Variants in FARS2 observed in about 807,000 individuals in gnomAD.
The protein encoded by FARS2 is phenylalanine--tRNA ligase, mitochondrial.
In FARS2, 40 loss-of-function variants were observed where a neutral mutation model predicts 46.4. The ratio of observed to expected loss-of-function variants is 0.86; its 90% CI spans 0.67 to 1.12. The LOEUF (loss-of-function observed/expected upper bound fraction) is 1.12, where lower values mean the gene tolerates loss of function less well. Among genes scored for constraint, FARS2 ranks in the 50% most tolerant of loss-of-function variants. The pLI is 0.00. For synonymous variants in FARS2, 234 were observed against 214.9 expected (o/e 1.09, Z -0.78); for missense variants, 513 against 567.9 (o/e 0.90, Z 0.98).
chr6:5,373,847 A>G (rs946498337), intron 2 of FARS2, among the ~76,000 whole-genome samples: 2 of 152,132 alleles, frequency 1.3e-5, no homozygotes, highest in African/African-American at 2.4e-5. Context: ...ATAAAAGGGG[A>G]TGAAAACGAT....
intron 5 of FARS2, among the ~76,000 whole-genome samples, chr6:5,555,667 C>A (rs930313311): frequency 6.6e-6 from 1 of 152,112 alleles, no homozygotes; most frequent in Non-Finnish European, 1.5e-5. Context: ...CATTGTGTTG[C>A]AGTGAAATTC....
At chr6:5,656,243 A>G (rs1214597418) in intron 6 of FARS2, among the ~76,000 whole-genome samples, 3 of 152,162 alleles carry the variant, frequency 2.0e-5, no homozygotes, top group African/African-American at 4.8e-5. Context: ...ATCTGTGCCA[A>G]CCTGTCACTG....
intron 6 of FARS2, among the ~76,000 whole-genome samples, chr6:5,745,903 A>G (rs1761608247): frequency 6.6e-6 from 1 of 152,146 alleles, no homozygotes; most frequent in African/African-American, 2.4e-5. Flanking sequence ...TGTGTGGTAC[A>G]GAGTCGGAGG....
rs899131153 is a variant in FARS2 at position 5,479,071 on chromosome 6, C to T, written c.904+47899C>T. Among the ~76,000 whole-genome samples, 7 of 152,186 alleles carry T rather than the reference C, an allele frequency of 4.6e-5. No homozygotes were observed. The East Asian group carries it at 5.8e-4, about 13-fold the overall frequency. ...AAATTATGGCTTCTGGGAATTCCAT[C>T]GGGGTGAACCCGTGAATCTGTATCC... On this transcript the variant is annotated intron_variant, in intron 4 of 6. Transcript: ENST00000274680.
intron 5 of FARS2, among the ~76,000 whole-genome samples, chr6:5,580,289 CAAA>C (rs35150084): frequency 9.5e-6 from 1 of 105,146 alleles, no homozygotes; most frequent in Admixed American, 1.1e-4. Context: ...GACTCCGTCT[CAAA>C]AAAAAAAAAA....
chr6:5,448,810 T>A (rs1366215189), intron 4 of FARS2, among the ~76,000 whole-genome samples: 1 of 152,216 alleles, frequency 6.6e-6, no homozygotes, highest in Non-Finnish European at 1.5e-5. Flanking sequence ...ATATCTGATA[T>A]GTGGATTGAA....
chr6:5,689,669 T>C (rs1198270333), intron 6 of FARS2, among the ~76,000 whole-genome samples: 1 of 152,004 alleles, frequency 6.6e-6, no homozygotes, highest in Non-Finnish European at 1.5e-5. Context: ...AAAAAATGTA[T>C]ATTCTGTTGA....
chr6:5,306,837 A>G (rs527280601), intron 1 of FARS2, among the ~76,000 whole-genome samples: 1 of 152,280 alleles, frequency 6.6e-6, no homozygotes, highest in Non-Finnish European at 1.5e-5. Flanking sequence ...TGCTGTTGAT[A>G]AATATTTTCC....
chr6:5,431,187 CA>C lies in FARS2; in HGVS notation c.904+16del, dbSNP rs773225879. ...GGTCAATTCAGGTAAAAAAGAATCCCACATTTTATTTACACGTGCTCTAAAG... is the reference window on the plus strand; with the variant it reads ...GGTCAATTCAGGTAAAAAAGAATCCCCATTTTATTTACACGTGCTCTAAAG... On this transcript the variant is annotated intron_variant, in intron 4 of 6. Coordinates refer to ENST00000274680, the MANE Select transcript of FARS2 (RefSeq NM_006567.5). 1 of 1,613,014 alleles carries C rather than the reference CA, an allele frequency of 6.2e-7. No homozygotes were observed. Among genetic ancestry groups the C allele is most frequent in the Admixed American group, 1.7e-5 (1 of 59,986 alleles).
intron 2 of FARS2, among the ~76,000 whole-genome samples, chr6:5,369,711 A>G (rs1287266579): frequency 6.6e-6 from 1 of 152,056 alleles, no homozygotes; most frequent in Non-Finnish European, 1.5e-5. Context: ...TGTTGCTGTG[A>G]GATGTCTTAA....
At chr6:5,611,095 T>C (rs541950268) in intron 5 of FARS2, among the ~76,000 whole-genome samples, 2 of 151,406 alleles carry the variant, frequency 1.3e-5, no homozygotes, top group Non-Finnish European at 2.9e-5. Context: ...CACCCCACCC[T>C]CAAAAATGGC....
At chr6:5,539,408 T>TATATATATATATATATATATATATATATA (rs68137910) in intron 4 of FARS2, among the ~76,000 whole-genome samples, 1 of 93,942 alleles carries the variant, frequency 1.1e-5, no homozygotes, top group Non-Finnish European at 1.8e-5. Flanking sequence ...ATGTATATAT[T>TATATATATATATATATATATATATATATA]TTTTTAGTAG....
At chr6:5,466,955 A>C in intron 4 of FARS2, 1 of 985,420 alleles carries the variant, frequency 1.0e-6, no homozygotes, top group African/African-American at 1.7e-5. Context: ...CAGCCTGTGC[A>C]GGAATGATAA....
chr6:5,383,990 G>A (rs1759961667), intron 2 of FARS2, among the ~76,000 whole-genome samples: 2 of 152,182 alleles, frequency 1.3e-5, no homozygotes, highest in Non-Finnish European at 2.9e-5. Flanking sequence ...CCAGGAAGAA[G>A]ATGTTGAGAG....
At chr6:5,602,292 T>C in intron 5 of FARS2, among the ~76,000 whole-genome samples, 1 of 152,164 alleles carries the variant, frequency 6.6e-6, no homozygotes, top group East Asian at 1.9e-4. Flanking sequence ...ATTAGCTTTC[T>C]TGAGAATGTT....
intron 2 of FARS2, among the ~76,000 whole-genome samples, chr6:5,383,382 A>G (rs1759911628): frequency 6.6e-6 from 1 of 152,244 alleles, no homozygotes; most frequent in Non-Finnish European, 1.5e-5. Flanking sequence ...TGGCCTGGAC[A>G]TTATATCTTG....
intron 6 of FARS2, among the ~76,000 whole-genome samples, chr6:5,712,321 C>T (rs1371375521): frequency 6.6e-6 from 1 of 152,196 alleles, no homozygotes; most frequent in Non-Finnish European, 1.5e-5. Context: ...AATCAGGCCA[C>T]TCAGTGCCTT....
intron 6 of FARS2, among the ~76,000 whole-genome samples, chr6:5,638,054 A>G (rs890573886): frequency 3.3e-5 from 5 of 152,192 alleles, no homozygotes; most frequent in Non-Finnish European, 5.9e-5. Flanking sequence ...AAGGTGGGTG[A>G]TGAAAGCCAG....
chr6:5,338,497 G>T (rs896763911), intron 1 of FARS2, among the ~76,000 whole-genome samples: 3 of 152,252 alleles, frequency 2.0e-5, no homozygotes, highest in Non-Finnish European at 4.4e-5. Flanking sequence ...ATGGAACGTG[G>T]CCTTGTCCAG....
Sources: gnomAD v4.1 joint callset for allele counts (sites outside exome capture counted in the v4.1 genomes callset) on GRCh38, gnomAD v4.1.1 for gene constraint, MANE v1.5 for transcripts, NCBI Gene and HGNC (gene_info 2026-07-23, HGNC 2026-07-21) for gene names.